PLCB1: variants seen among roughly 807,000 people sequenced by gnomAD.
PLCB1 encodes 1-phosphatidylinositol 4,5-bisphosphate phosphodiesterase beta-1.
A neutral mutation model predicts 161.8 loss-of-function variants in PLCB1; 46 were observed. That is an observed-to-expected ratio of 0.28 (90% CI 0.22 to 0.36). PLCB1 has a LOEUF of 0.36. Ranked by LOEUF, PLCB1 falls within the 10% of genes least tolerant of loss-of-function variation. The probability of loss-of-function intolerance (pLI) is 1.00; values close to 1 mark genes in which losing one functional copy is unlikely to be tolerated. For synonymous variants in PLCB1, 517 were observed against 503.7 expected, an observed-to-expected ratio of 1.03 and a Z score of -0.35; for missense variants, 1,016 against 1,472.5, an observed-to-expected ratio of 0.69 and a Z score of 5.07.
Position 8,717,708 on chromosome 20 carries a change from T to C in PLCB1, c.1373T>C (p.Leu458Ser). Residue 458 changes from leucine to serine, a missense_variant, in exon 14 of 32, where the codon TTA (leucine) becomes TCA (serine). By Grantham distance (145) the Leu-to-Ser change is moderately radical. This residue lies in a region of PLCB1 where 109 missense variants were observed against 129.7 expected (regional missense o/e 0.84). Coordinates refer to ENST00000338037, the MANE Select transcript of PLCB1 (RefSeq NM_015192.4). Reference protein sequence around the residue: ...SGVPLPSPMDLMYKILVKNKK... With the variant: ...SGVPLPSPMDSMYKILVKNKK... ...GTTCCTCTTCCAAGCCCTATGGATT[T>C]AATGTATAAAATTTTGGTGAAAAAT... 6.2e-7 allele frequency: 1 copy of C among 1,613,290 alleles called. No individual in the cohort carries two copies. The highest frequency in any genetic ancestry group is 1.1e-5 in the South Asian group (1 of 90,988).
At chr20:8,790,061 G>A (rs1983677344) in intron 30 of PLCB1, 114 bp from the exon 31 acceptor site, 2 of 690,144 alleles carry the variant, frequency 2.9e-6, no homozygotes, top group African/African-American at 1.8e-5. Flanking sequence ...TTCTTGATCA[G>A]GAGATCAAAT....
chr20:8,319,652 T>G (rs1030879906), intron 2 of PLCB1, among the ~76,000 whole-genome samples: 1 of 152,122 alleles, frequency 6.6e-6, no homozygotes, highest in African/African-American at 2.4e-5. Context: ...ATTCACAAGC[T>G]GACTTGGAAC....
At chr20:8,219,091 C>T (rs1467426026) in intron 2 of PLCB1, among the ~76,000 whole-genome samples, 1 of 152,052 alleles carries the variant, frequency 6.6e-6, no homozygotes, top group South Asian at 2.1e-4. Context: ...CATTTGAATC[C>T]CAATGTAATG....
chr20:8,210,546 A>T (rs1978768448), intron 2 of PLCB1, among the ~76,000 whole-genome samples: 1 of 152,154 alleles, frequency 6.6e-6, no homozygotes. Flanking sequence ...GGATCAAAGG[A>T]TCATTCTCTG....
chr20:8,405,940 A>G (rs1320195204), intron 3 of PLCB1, among the ~76,000 whole-genome samples: 1 of 152,166 alleles, frequency 6.6e-6, no homozygotes, highest in Non-Finnish European at 1.5e-5. Flanking sequence ...CCATGTTGAT[A>G]GATTGAAATT....
At chr20:8,825,858 T>G (rs540140016) in intron 31 of PLCB1, among the ~76,000 whole-genome samples, 61 of 151,674 alleles carry the variant, frequency 4.0e-4, no homozygotes, top group African/African-American at 1.4e-3. Context: ...TGGACAGAGG[T>G]AGAAGGATGT....
At chr20:8,602,388 C>T (rs915410985) in intron 3 of PLCB1, among the ~76,000 whole-genome samples, 1 of 152,134 alleles carries the variant, frequency 6.6e-6, no homozygotes, top group Admixed American at 6.5e-5. Flanking sequence ...GGGATATCAT[C>T]ACTTCTGAAA....
At chr20:8,216,951 C>T (rs1327434169) in intron 2 of PLCB1, among the ~76,000 whole-genome samples, 1 of 152,120 alleles carries the variant, frequency 6.6e-6, no homozygotes, top group Non-Finnish European at 1.5e-5. Flanking sequence ...CTATTCTCCC[C>T]CTTACCAGGG....
chr20:8,834,708 G>A (rs560315091), intron 31 of PLCB1, among the ~76,000 whole-genome samples: 13 of 151,548 alleles, frequency 8.6e-5, no homozygotes, highest in South Asian at 4.2e-4. Flanking sequence ...CCAGCTACTC[G>A]GGAGGCTGAG....
intron 3 of PLCB1, among the ~76,000 whole-genome samples, chr20:8,445,546 A>G (rs571295371): frequency 5.9e-5 from 9 of 152,058 alleles, no homozygotes; most frequent in Middle Eastern, 3.4e-3. Flanking sequence ...TTTTGGTTCC[A>G]TATGAACTTT....
At chr20:8,530,414 A>T (rs916105945) in intron 3 of PLCB1, among the ~76,000 whole-genome samples, 1 of 152,106 alleles carries the variant, frequency 6.6e-6, no homozygotes, top group African/African-American at 2.4e-5. Context: ...TCTACTTGTT[A>T]ATACAGTCTG....
At chr20:8,719,974 G>T (rs1467042200) in intron 14 of PLCB1, among the ~76,000 whole-genome samples, 2 of 151,950 alleles carry the variant, frequency 1.3e-5, no homozygotes, top group African/African-American at 2.4e-5. Flanking sequence ...ATAATTCTTT[G>T]AAAGGGTTTT....
chr20:8,311,275 A>G (rs1483567670), intron 2 of PLCB1, among the ~76,000 whole-genome samples: 1 of 152,246 alleles, frequency 6.6e-6, no homozygotes, highest in Non-Finnish European at 1.5e-5. Context: ...AAAGACTTAG[A>G]AAAACTAGAA....
Position 8,490,006 on chromosome 20 carries a change from GA to G in PLCB1, c.246+118558del, listed in dbSNP as rs1399208417. On this transcript the variant is annotated intron_variant, in intron 3 of 31. Transcript: ENST00000338037. ...ATCCAGTCATTTTTGGGGTAAGATA[GA>G]AGGAATCCAGGTAGAATACAATATA... Among the ~76,000 whole-genome samples, 72 of 152,154 alleles carry G rather than the reference GA, an allele frequency of 4.7e-4. 2 individuals carry two copies. The highest frequency in any genetic ancestry group is 3.6e-4 in the African/African-American group (15 of 41,424).
chr20:8,842,203 A>T (rs1215422370), intron 31 of PLCB1, among the ~76,000 whole-genome samples: 2 of 152,238 alleles, frequency 1.3e-5, no homozygotes, highest in African/African-American at 2.4e-5. Flanking sequence ...TAAGCAAACA[A>T]TCAGTAAAAA....
intron 3 of PLCB1, among the ~76,000 whole-genome samples, chr20:8,408,353 C>A (rs1423857029): frequency 6.6e-6 from 1 of 151,658 alleles, no homozygotes; most frequent in Non-Finnish European, 1.5e-5. Context: ...TTCAAGGCTG[C>A]AGTACATGAG....
intron 2 of PLCB1, among the ~76,000 whole-genome samples, chr20:8,275,248 T>TGA (rs200554771): frequency 0.023 from 2,704 of 118,330 alleles, 97 homozygotes; most frequent in African/African-American, 0.081. Context: ...TGCATCAGCG[T>TGA]GAGTGTGTGT....
Position 8,326,487 on chromosome 20 carries a change from T to C in PLCB1, c.178-44895T>C, listed in dbSNP as rs543679390. On this transcript the variant is annotated intron_variant, in intron 2 of 31. Transcript: ENST00000338037. ...TGATAGGTTATGATTTCCCTTGGCC[T>C]GTGATTTACCTAGTTTCATAAAAAG... 4.2e-4 allele frequency among the ~76,000 whole-genome samples: 64 copies of C among 152,326 alleles called. 1 individual carries two copies. In the South Asian group the frequency reaches 0.013, roughly 31 times the overall value.
At chr20:8,163,229 A>G (rs1395566022) in intron 2 of PLCB1, among the ~76,000 whole-genome samples, 1 of 152,204 alleles carries the variant, frequency 6.6e-6, no homozygotes, top group East Asian at 1.9e-4. Flanking sequence ...GCTCCGTCCC[A>G]TTGGAGAGCC....
Sources: allele counts gnomAD v4.1 joint callset (sites outside exome capture counted in the v4.1 genomes callset), GRCh38; gene constraint gnomAD v4.1.1; regional missense constraint gnomAD v4.1.1; transcripts MANE v1.5; gene names NCBI Gene and HGNC (gene_info 2026-07-23, HGNC 2026-07-21).